DLGAP1: variants seen among roughly 807,000 people sequenced by gnomAD.
The protein encoded by DLGAP1 is DLG associated protein 1.
Under a neutral mutation model 90.8 loss-of-function variants are expected in DLGAP1, and 11 were observed. The ratio of observed to expected loss-of-function variants is 0.12; its 90% confidence interval spans 0.08 to 0.20. The LOEUF (loss-of-function observed/expected upper bound fraction) is 0.20. DLGAP1 is among the 10% of genes least tolerant of loss of function. The pLI, the probability that DLGAP1 is intolerant of heterozygous loss-of-function variation, is 1.00. For synonymous variants in DLGAP1, 558 were observed against 540.7 expected (o/e 1.03, Z -0.44); for missense variants, 1,050 against 1,333.8 (o/e 0.79, Z 3.31).
intron 3 of DLGAP1, among the ~76,000 whole-genome samples, chr18:3,917,944 G>C (rs2072183699): frequency 6.6e-6 from 1 of 152,134 alleles, no homozygotes; most frequent in Admixed American, 6.5e-5. Flanking sequence ...AGGAGATAAA[G>C]AAAAGGAAAC....
chr18:4,253,318 G>A (rs1332256454), intron 1 of DLGAP1, among the ~76,000 whole-genome samples: 2 of 152,132 alleles, frequency 1.3e-5, no homozygotes, highest in Admixed American at 6.6e-5. Context: ...TTACCCAAAA[G>A]ATAAGTTTCA....
At chr18:3,534,939 G>A (rs1444699243) in intron 9 of DLGAP1, among the ~76,000 whole-genome samples, 2 of 152,066 alleles carry the variant, frequency 1.3e-5, no homozygotes, top group Non-Finnish European at 2.9e-5. Context: ...TGATCTGCCT[G>A]CCTCTGCCTC....
chr18:4,428,893 G>C (rs1223686501), intron 1 of DLGAP1, among the ~76,000 whole-genome samples: 27 of 152,142 alleles, frequency 1.8e-4, no homozygotes, highest in Non-Finnish European at 4.4e-5. Flanking sequence ...CATTAAAATA[G>C]AAAATGAGCC....
chr18:3,995,332 A>C (rs896090950), intron 3 of DLGAP1: 1 of 152,206 alleles, frequency 6.6e-6, no homozygotes, highest in South Asian at 2.1e-4. Context: ...GGTGGATACA[A>C]GTGAAGGTTA....
At chr18:4,067,742 C>G (rs540304147) in intron 2 of DLGAP1, among the ~76,000 whole-genome samples, 1 of 152,026 alleles carries the variant, frequency 6.6e-6, no homozygotes, top group Non-Finnish European at 1.5e-5. Flanking sequence ...AATAACTTAA[C>G]CCCTTCAAGC....
At chr18:4,125,022 T>A (rs4798174) in intron 2 of DLGAP1, among the ~76,000 whole-genome samples, 26,738 of 152,116 alleles carry the variant, frequency 0.18, 2,459 homozygotes, top group Middle Eastern at 0.24. Flanking sequence ...AGCCTCAGTA[T>A]GACAATGGCC....
intron 1 of DLGAP1, among the ~76,000 whole-genome samples, chr18:4,169,977 A>T (rs1174419128): frequency 6.6e-6 from 1 of 152,134 alleles, no homozygotes; most frequent in African/African-American, 2.4e-5. Context: ...CATTACACTC[A>T]GCTCTGTCAG....
intron 9 of DLGAP1, among the ~76,000 whole-genome samples, chr18:3,537,023 C>T (rs2052418598): frequency 7.2e-6 from 1 of 139,780 alleles, no homozygotes; most frequent in African/African-American, 2.7e-5. Flanking sequence ...TGTTACGATG[C>T]CCTGTATGTC....
At chr18:3,533,534 A>G (rs1484808147) in intron 10 of DLGAP1, among the ~76,000 whole-genome samples, 1 of 152,120 alleles carries the variant, frequency 6.6e-6, no homozygotes, top group East Asian at 1.9e-4. Flanking sequence ...ATAAATCCCC[A>G]ATGTACCTGT....
intron 3 of DLGAP1, among the ~76,000 whole-genome samples, chr18:3,970,754 T>C (rs1334619342): frequency 6.7e-6 from 1 of 148,606 alleles, no homozygotes; most frequent in East Asian, 1.9e-4. Context: ...TAGAGATATC[T>C]TGACATTAAT....
In DLGAP1 at chr18:3,998,534, A is replaced by G. The variant is rs377033874; in HGVS notation, c.-73+6582T>C. Among the ~76,000 whole-genome samples the G allele has an allele frequency of 1.6e-3, 239 of 152,256 alleles. 2 individuals carry two copies. In the South Asian group the frequency reaches 0.029, roughly 18 times the overall value. On this transcript the variant is annotated intron_variant, in intron 3 of 12. Coordinates refer to ENST00000315677, the MANE Select transcript of DLGAP1 (RefSeq NM_004746.4). ...AGCCTGTGATTCCTTTTAGTGGAAA[A>G]TGGTATGTAGAGAACATTATCTGTG...
At chr18:3,861,945 A>G (rs1004923727) in intron 4 of DLGAP1, among the ~76,000 whole-genome samples, 1 of 152,236 alleles carries the variant, frequency 6.6e-6, no homozygotes, top group Non-Finnish European at 1.5e-5. Context: ...TCAGAGAGCA[A>G]TACGAAAAAT....
chr18:3,732,161 A>G (rs1348045025), intron 6 of DLGAP1, among the ~76,000 whole-genome samples: 1 of 152,146 alleles, frequency 6.6e-6, no homozygotes, highest in East Asian at 1.9e-4. Context: ...TTTCATACTC[A>G]TGGTGGAGTT....
chr18:3,527,068 A>G (rs1387411524), intron 10 of DLGAP1, among the ~76,000 whole-genome samples: 1 of 152,174 alleles, frequency 6.6e-6, no homozygotes, highest in Non-Finnish European at 1.5e-5. Flanking sequence ...TTTATCAGGG[A>G]AAACAGTAAC....
At chr18:3,698,353 T>C (rs1436093371) in intron 7 of DLGAP1, among the ~76,000 whole-genome samples, 1 of 152,216 alleles carries the variant, frequency 6.6e-6, no homozygotes, top group Non-Finnish European at 1.5e-5. Flanking sequence ...TAGTGCTTCC[T>C]CCAGGAGCTC....
At chr18:3,541,823 G>A (rs2052708428) in intron 9 of DLGAP1, among the ~76,000 whole-genome samples, 2 of 152,006 alleles carry the variant, frequency 1.3e-5, no homozygotes, top group African/African-American at 4.8e-5. Flanking sequence ...TGTGAGCTTT[G>A]ATGTGTGAAG....
At chr18:3,724,903 T>C (rs1185083681) in intron 7 of DLGAP1, among the ~76,000 whole-genome samples, 2 of 121,334 alleles carry the variant, frequency 1.6e-5, no homozygotes, top group Admixed American at 9.7e-5. Context: ...AAACTCTGTC[T>C]CAAAAAAAAA....
intron 1 of DLGAP1, among the ~76,000 whole-genome samples, chr18:4,251,347 C>T (rs2078775352): frequency 6.6e-6 from 1 of 152,164 alleles, no homozygotes; most frequent in Non-Finnish European, 1.5e-5. Context: ...CTTGACTTTA[C>T]AGATGGAAGC....
chr18:3,893,027 C>A (rs1263868009), intron 3 of DLGAP1, among the ~76,000 whole-genome samples: 1 of 151,416 alleles, frequency 6.6e-6, no homozygotes, highest in African/African-American at 2.4e-5. Context: ...GTACATTGTA[C>A]CTATTAAGTA....
Sources: allele counts gnomAD v4.1 joint callset (sites outside exome capture counted in the v4.1 genomes callset), GRCh38; gene constraint gnomAD v4.1.1; transcripts MANE v1.5; gene names NCBI Gene and HGNC (gene_info 2026-07-23, HGNC 2026-07-21).